The following CHAMP1 variants were observed in gnomAD, a reference collection of about 807,000 sequenced individuals.
CHAMP1 encodes the protein chromosome alignment-maintaining phosphoprotein 1.
Under a neutral mutation model 54.5 loss-of-function variants are expected in CHAMP1, and 4 were observed. The ratio of observed to expected loss-of-function variants is 0.07; its 90% CI spans 0.04 to 0.17. The LOEUF (loss-of-function observed/expected upper bound fraction) is 0.17, where lower values mean the gene tolerates loss of function less well. Among genes scored for constraint, CHAMP1 ranks in the 10% least tolerant of loss-of-function variants. The pLI is 1.00. For missense variants in CHAMP1, 994 were observed against 968.6 expected (o/e 1.03, Z -0.35); for synonymous variants, 368 against 342.2 (o/e 1.08, Z -0.83).
At position 114,327,286 on chromosome 13, in the gene CHAMP1, T is replaced by G. The variant is rs542950151; in HGVS notation, c.*1005T>G. ...TTATTCTAAAATATTTTGTCAAATG[T>G]GTATCAACCAAATTAAAAAGAAAGG... On this transcript the variant is annotated 3_prime_UTR_variant, in exon 3 of 3. Transcript: ENST00000361283. The G allele has an allele frequency of 1.3e-5, 2 of 158,202 alleles. No individual in the cohort carries two copies. The highest frequency in any genetic ancestry group is 2.4e-5 in the African/African-American group (1 of 41,584). 9.8% of individuals were successfully genotyped at this position (158,202 alleles called of 1,614,324 possible). A position where few individuals can be genotyped will look rare whatever the true frequency, so the allele number is the denominator to read the frequency against.
In CHAMP1 at chr13:114,326,356, C is replaced by A; in HGVS notation, c.*75C>A. ...TTTGTAAGTATAGCTTATCAGATAG[C>A]ATAGTTGGATCAGTAGATGACATGT... On this transcript the variant is annotated 3_prime_UTR_variant, in exon 3 of 3. Coordinates refer to ENST00000361283, the MANE Select transcript of CHAMP1 (RefSeq NM_032436.4). 6.8e-7 allele frequency: 1 copy of A among 1,464,510 alleles called. No individual in the cohort carries two copies. The highest frequency in any genetic ancestry group is 9.1e-7 in the Non-Finnish European group (1 of 1,098,152). 90.7% of individuals were successfully genotyped at this position (1,464,510 alleles called of 1,614,324 possible).
chr13:114,324,614 G>C lies in CHAMP1; in HGVS notation c.772G>C (p.Gly258Arg). The C allele has an allele frequency of 6.2e-7, 1 of 1,613,942 alleles. No homozygotes were observed. Among genetic ancestry groups the C allele is most frequent in the Non-Finnish European group, 8.5e-7 (1 of 1,179,998 alleles). ...PVLAASPEPW[G>R]PSPAASPESR... ...TCTAGCTGCTTCCCCAGAACCTTGG[G>C]GACCATCCCCAGCTGCATCTCCAGA... The change falls in exon 3 of 3, where the codon GGA becomes CGA. Residue 258 changes from glycine to arginine, a missense_variant. Coordinates refer to ENST00000361283, the MANE Select transcript of CHAMP1 (RefSeq NM_032436.4).
intron 1 of CHAMP1, among the ~76,000 whole-genome samples, chr13:114,318,089 G>A (rs894650309): frequency 3.9e-5 from 6 of 152,146 alleles, no homozygotes; most frequent in African/African-American, 1.2e-4. Flanking sequence ...ACTAAATTCT[G>A]TAACATCTTC....
rs782454954 is a variant in CHAMP1 at position 114,325,096 on chromosome 13, G to A, written c.1254G>A (p.Glu418=). Residue 418 remains glutamate, a synonymous_variant, in exon 3 of 3, where the codon GAG becomes GAA. Coordinates refer to ENST00000361283, the MANE Select transcript of CHAMP1 (RefSeq NM_032436.4). ...AGGCAGTTCCCCCAGTGTCTCCAGA[G>A]CTTCGCAAACCCGGCCCACCACTAT... The part of the protein sequence containing the change: ...HWKAVPPVSP[E]LRKPGPPLSP... The A allele has an allele frequency of 6.2e-7, 1 of 1,614,120 alleles. No homozygotes were observed. The highest frequency in any genetic ancestry group is 1.1e-5 in the South Asian group (1 of 91,078).
In CHAMP1 at chr13:114,325,455, C is replaced by T. The variant is rs1158337771; in HGVS notation, c.1613C>T (p.Ala538Val). Reference sequence around the variant, plus strand: ...CTGTTTCCCGAGCCTGCCAAAACAGCCCCTCCTGCTTCTCCAGAAGCACGC... The same window carrying T: ...CTGTTTCCCGAGCCTGCCAAAACAGTCCCTCCTGCTTCTCCAGAAGCACGC... ...PALFPEPAKT[A>V]PPASPEARKR... is the part of the protein sequence containing the mutation. Residue 538 changes from alanine (A) to valine (V), a missense_variant, in exon 3 of 3, where the codon GCC becomes GTC. By Grantham distance (64) the Ala-to-Val change is moderately conservative. Transcript: ENST00000361283. 12 of 1,614,124 alleles carry T rather than the reference C, an allele frequency of 7.4e-6. No homozygotes were observed. The highest frequency in any genetic ancestry group is 1.0e-5 in the Non-Finnish European group (12 of 1,180,032).
rs114969144 is a variant in CHAMP1, at chr13:114,319,147, T to C, written c.-178-1963T>C. Among the ~76,000 whole-genome samples, 334 of 152,286 alleles carry C rather than the reference T, an allele frequency of 2.2e-3. 2 individuals are homozygous for C. Among genetic ancestry groups the C allele is most frequent in the African/African-American group, 7.6e-3 (314 of 41,552 alleles). On this transcript the variant is annotated intron_variant, in intron 1 of 2. Transcript: ENST00000361283. ...TATATCTACAAAGAACCTGGACAGA[T>C]AGCAGAACTTTATTCTCTCATCAGA...
At position 114,325,881 on chromosome 13, in the gene CHAMP1, G is replaced by C. The variant is rs531028864; in HGVS notation, c.2039G>C (p.Arg680Thr). The change falls in exon 3 of 3, where the codon AGA (arginine) becomes ACA (threonine). Residue 680 changes from arginine (R) to threonine (T), a missense_variant. Around this residue, in one of 3 missense-constraint regions of CHAMP1, gnomAD observed 851 missense variants for 701.3 expected, o/e 1.21. Transcript: ENST00000361283. ...GACATGACTAGTCCAGAGCAGTCTA[G>C]AAATGTGCTACAGTTTACTGAAGAA... ...KMDMTSPEQS[R>T]NVLQFTEEKE... 1 of 1,614,096 alleles carries C rather than the reference G, an allele frequency of 6.2e-7. No individual in the cohort carries two copies. Among genetic ancestry groups the C allele is most frequent in the Admixed American group, 1.7e-5 (1 of 60,012 alleles).
At chr13:114,314,883 A>G (rs577141274) in intron 1 of CHAMP1, among the ~76,000 whole-genome samples, 201 of 152,298 alleles carry the variant, frequency 1.3e-3, no homozygotes, top group African/African-American at 4.6e-3. Context: ...GAGGCTGGAA[A>G]CATTGCGTTT....
intron 1 of CHAMP1, among the ~76,000 whole-genome samples, chr13:114,316,546 C>T (rs558618651): frequency 2.6e-4 from 40 of 151,282 alleles, no homozygotes; most frequent in African/African-American, 9.4e-4. Flanking sequence ...GCCGAGATTG[C>T]GCCATTACAC....
At chr13:114,317,185 T>A (rs996503528) in intron 1 of CHAMP1, among the ~76,000 whole-genome samples, 2 of 152,046 alleles carry the variant, frequency 1.3e-5, no homozygotes, top group Non-Finnish European at 1.5e-5. Context: ...GCCCAGCTAA[T>A]TTTTGTATTT....
Position 114,323,540 on chromosome 13 carries a change from C to T in CHAMP1, c.-55-248C>T, listed in dbSNP as rs561658122. The T allele has an allele frequency of 2.8e-5, 8 of 281,638 alleles. No homozygotes were observed. The East Asian group carries it at 4.6e-4, about 16-fold the overall frequency. The allele number at this position is 281,638 out of a possible 1,614,324, so 17.4% of individuals were successfully genotyped here. A position where few individuals can be genotyped will look rare whatever the true frequency, so the allele number is the denominator to read the frequency against. The stretch of plus-strand genomic sequence containing the variant: ...TCAGGTAACTTCTCTGAACCTGTTT[C>T]TTCATCTGTAAGTGAAAATAATAGT... On this transcript the variant is annotated intron_variant, in intron 2 of 2. Transcript: ENST00000361283.
chr13:114,317,960 T>A (rs1391931070), intron 1 of CHAMP1, among the ~76,000 whole-genome samples: 2 of 152,212 alleles, frequency 1.3e-5, no homozygotes, highest in Non-Finnish European at 2.9e-5. Flanking sequence ...TCTGGACAAT[T>A]CTGAGTTAAT....
At chr13:114,320,817 G>A (rs1454864901) in intron 1 of CHAMP1, among the ~76,000 whole-genome samples, 1 of 152,028 alleles carries the variant, frequency 6.6e-6, no homozygotes, top group Non-Finnish European at 1.5e-5. Flanking sequence ...CTAGCCGGGC[G>A]TGGTGGCGGG....
chr13:114,324,020 A>C lies in CHAMP1; in HGVS notation c.178A>C (p.Lys60Gln). Residue 60 changes from lysine to glutamine, a missense_variant, in exon 3 of 3, where the codon AAG becomes CAG. Physicochemically the swap from Lys to Gln is moderately conservative, Grantham distance 53 (BLOSUM62 1). This residue lies in a region of CHAMP1 where 84 missense variants were observed against 120.7 expected (regional missense o/e 0.70). Coordinates refer to ENST00000361283, the MANE Select transcript of CHAMP1 (RefSeq NM_032436.4). ...AATGATATTTTACCAGAAAAGTGCA[A>C]AGTTATTTCACTGCCATAAATGCTT... ...GKMIFYQKSA[K>Q]LFHCHKCFFT... The C allele has an allele frequency of 1.9e-6, 3 of 1,614,186 alleles. No homozygotes were observed. The highest frequency in any genetic ancestry group is 2.5e-6 in the Non-Finnish European group (3 of 1,180,024).
intron 1 of CHAMP1, among the ~76,000 whole-genome samples, chr13:114,315,633 G>A (rs7338547): frequency 0.02 from 3,103 of 152,166 alleles, 104 homozygotes; most frequent in African/African-American, 0.068. Flanking sequence ...ACACAAAAAA[G>A]ACATACTGTA....
chr13:114,315,262 AAG>A (rs1425200898), intron 1 of CHAMP1, among the ~76,000 whole-genome samples: 2 of 152,314 alleles, frequency 1.3e-5, no homozygotes, highest in East Asian at 3.9e-4. Flanking sequence ...TATTAAAAAA[AAG>A]GGAAATTATG....
At chr13:114,322,496 A>G (rs1174167931) in intron 2 of CHAMP1, 1 of 152,232 alleles carries the variant, frequency 6.6e-6, no homozygotes, top group Non-Finnish European at 1.5e-5. Context: ...CAATAGTGAA[A>G]TACTAGCTTT....
In CHAMP1 at chr13:114,314,595, G is replaced by A. The variant is rs563613071; in HGVS notation, c.-227G>A. 1.4e-4 allele frequency: 22 copies of A among 151,976 alleles called. No homozygotes were observed. The highest frequency in any genetic ancestry group is 5.1e-4 in the African/African-American group (21 of 41,512). The allele number at this position is 151,976 out of a possible 1,614,324, so 9.4% of individuals were successfully genotyped here. Reference sequence around the variant, plus strand: ...GGAGCCGCCCGCGACCGCGAGCCGGGCCCTCCGCGCGGTCCATCGCCCACT... The same window carrying A: ...GGAGCCGCCCGCGACCGCGAGCCGGACCCTCCGCGCGGTCCATCGCCCACT... On this transcript the variant is annotated 5_prime_UTR_variant, in exon 1 of 3. Coordinates refer to ENST00000361283, the MANE Select transcript of CHAMP1 (RefSeq NM_032436.4).
At position 114,325,291 on chromosome 13, in the gene CHAMP1, C is replaced by T. The variant is rs1555379770; in HGVS notation, c.1449C>T (p.Ser483=). 2 of 1,614,070 alleles carry T rather than the reference C, an allele frequency of 1.2e-6. No individual in the cohort carries two copies. The highest frequency in any genetic ancestry group is 2.2e-5 in the East Asian group (1 of 44,882). Residue 483 remains serine (S), a synonymous_variant, in exon 3 of 3, where the codon TCC becomes TCT. Coordinates refer to ENST00000361283, the MANE Select transcript of CHAMP1 (RefSeq NM_032436.4). ...RGGSPDLWKS[S]FFIEPQKPVF... The stretch of plus-strand genomic sequence containing the variant: ...GTTCTCCTGATCTCTGGAAGTCTTC[C>T]TTTTTTATTGAGCCTCAGAAACCTG...
Sources: gnomAD v4.1 joint callset for allele counts (sites outside exome capture counted in the v4.1 genomes callset) on GRCh38, gnomAD v4.1.1 for gene constraint, gnomAD v4.1.1 regional missense constraint, MANE v1.5 for transcripts, NCBI Gene and HGNC (gene_info 2026-07-23, HGNC 2026-07-21) for gene names.